The following NTM variants were observed in gnomAD, a reference collection of about 807,000 sequenced individuals.
NTM encodes the protein neurotrimin, also known as IgLON family member 2.
Under a neutral mutation model 42.1 loss-of-function variants are expected in NTM, and 13 were observed. The ratio of observed to expected loss-of-function variants is 0.31; its 90% CI spans 0.20 to 0.49. The LOEUF (loss-of-function observed/expected upper bound fraction) is 0.49, where lower values mean the gene tolerates loss of function less well. Among genes scored for constraint, NTM ranks in the 20% least tolerant of loss-of-function variants. The probability of loss-of-function intolerance (pLI) is 0.99; values close to 1 mark genes in which losing one functional copy is unlikely to be tolerated. For missense variants in NTM, 373 were observed against 452.8 expected (o/e 0.82, Z 1.60); for synonymous variants, 187 against 179.2 (o/e 1.04, Z -0.35).
At chr11:132,190,473 C>T (rs1213777919) in intron 3 of NTM, among the ~76,000 whole-genome samples, 2 of 152,098 alleles carry the variant, frequency 1.3e-5, no homozygotes, top group South Asian at 2.1e-4. Context: ...TGTGGTGGCT[C>T]ACACCTGTAA....
rs190999386 is a variant in NTM at position 132,165,365 on chromosome 11, C to A, written c.400+18851C>A. ...ATTCAGTCATCTGTTCCTATAGATGCCCGTCACTCACGATTCCCCATCTTT... is the reference window on the plus strand; with the variant it reads ...ATTCAGTCATCTGTTCCTATAGATGACCGTCACTCACGATTCCCCATCTTT... On this transcript the variant is annotated intron_variant, in intron 3 of 8. Transcript: ENST00000683400. 5.8e-4 allele frequency among the ~76,000 whole-genome samples: 89 copies of A among 152,270 alleles called. 1 individual carries two copies. The highest frequency in any genetic ancestry group is 6.2e-4 in the Non-Finnish European group (42 of 68,018).
rs2082072355 is a variant in NTM, at chr11:132,206,951, T to C, written c.401-5071T>C. Among the ~76,000 whole-genome samples the C allele has an allele frequency of 1.3e-5, 2 of 152,240 alleles. 1 individual carries two copies. The highest frequency in any genetic ancestry group is 4.1e-4 in the South Asian group (2 of 4,836). On this transcript the variant is annotated intron_variant, in intron 3 of 8. Transcript: ENST00000683400. ...TTGTTATTCAACTCTCTGGAATGTT[T>C]ACATGCCCTGTTTCCTCAAACAGAT...
chr11:132,243,580 T>C (rs1033090368), intron 4 of NTM, among the ~76,000 whole-genome samples: 6 of 152,164 alleles, frequency 3.9e-5, no homozygotes, highest in Admixed American at 6.5e-5. Flanking sequence ...AGGGTTTCCC[T>C]CATCCTTAGC....
At chr11:132,042,338 C>T (rs2077316328) in intron 2 of NTM, among the ~76,000 whole-genome samples, 1 of 152,134 alleles carries the variant, frequency 6.6e-6, no homozygotes, top group African/African-American at 2.4e-5. Context: ...ACTGGAAATG[C>T]CCAAGGGATG....
At position 131,639,854 on chromosome 11, in the gene NTM, G is replaced by A. The variant is rs188394526; in HGVS notation, c.82+268966G>A. 3.3e-3 allele frequency among the ~76,000 whole-genome samples: 499 copies of A among 152,212 alleles called. 3 individuals carry two copies. The highest frequency in any genetic ancestry group is 5.6e-3 in the African/African-American group (234 of 41,548). On this transcript the variant is annotated intron_variant, in intron 1 of 8. Coordinates refer to ENST00000683400, the MANE Select transcript of NTM (RefSeq NM_001352005.2). Reference sequence around the variant, plus strand: ...GCCTGTAGTCCCAGCTACTTGAGAGGCTGAGGCAGGAGAATCACTTGAACC... The same window carrying A: ...GCCTGTAGTCCCAGCTACTTGAGAGACTGAGGCAGGAGAATCACTTGAACC...
intron 2 of NTM, among the ~76,000 whole-genome samples, chr11:132,101,089 C>T (rs992566769): frequency 5.9e-5 from 9 of 152,158 alleles, no homozygotes; most frequent in African/African-American, 2.2e-4. Flanking sequence ...TATTGACTGA[C>T]AGCTTTTTAT....
At chr11:131,939,442 A>G (rs1411619029) in intron 2 of NTM, among the ~76,000 whole-genome samples, 1 of 152,104 alleles carries the variant, frequency 6.6e-6, no homozygotes, top group East Asian at 1.9e-4. Flanking sequence ...GATGGTAGTA[A>G]TTGGAGAGGT....
At chr11:131,894,782 T>A (rs1240566877) in intron 1 of NTM, among the ~76,000 whole-genome samples, 2 of 152,218 alleles carry the variant, frequency 1.3e-5, no homozygotes, top group Admixed American at 1.3e-4. Flanking sequence ...TTTTTCATCA[T>A]TAAAGGGAAA....
At chr11:131,771,343 G>C (rs1253388435) in intron 1 of NTM, 2 of 152,182 alleles carry the variant, frequency 1.3e-5, no homozygotes, top group Admixed American at 6.5e-5. Context: ...ACAGATGATA[G>C]GTTTGGAAAT....
intron 1 of NTM, among the ~76,000 whole-genome samples, chr11:131,422,208 A>T (rs955753255): frequency 9.8e-6 from 1 of 101,974 alleles, no homozygotes; most frequent in African/African-American, 3.1e-5. Context: ...ACATCTGAGA[A>T]CAGTCACATT....
intron 2 of NTM, among the ~76,000 whole-genome samples, chr11:132,092,344 C>T (rs949174538): frequency 1.3e-5 from 2 of 152,164 alleles, no homozygotes; most frequent in Admixed American, 1.3e-4. Context: ...CTCTGTCCTG[C>T]CACTCCACTG....
intron 2 of NTM, among the ~76,000 whole-genome samples, chr11:132,061,253 C>CTTA (rs2080624909): frequency 6.6e-6 from 1 of 152,182 alleles, no homozygotes; most frequent in African/African-American, 2.4e-5. Flanking sequence ...TAACATTTTG[C>CTTA]TTAGCATTGG....
At chr11:131,489,247 G>A (rs1375464628) in intron 1 of NTM, among the ~76,000 whole-genome samples, 2 of 152,132 alleles carry the variant, frequency 1.3e-5, no homozygotes, top group South Asian at 4.1e-4. Flanking sequence ...AATGGCCCAT[G>A]TTTGCAGCTG....
chr11:131,376,450 A>G (rs564974975), intron 1 of NTM, among the ~76,000 whole-genome samples: 1 of 152,312 alleles, frequency 6.6e-6, no homozygotes, highest in Admixed American at 6.5e-5. Context: ...GTCATATTAG[A>G]GAAATGGCCT....
chr11:131,500,578 T>TATA (rs1491209927), intron 1 of NTM, among the ~76,000 whole-genome samples: 23 of 1,550 alleles, frequency 0.015, no homozygotes, highest in Non-Finnish European at 0.027. Flanking sequence ...TATATATATA[T>TATA]TTTTTTTTTT....
At chr11:131,803,665 G>T (rs891339536) in intron 1 of NTM, among the ~76,000 whole-genome samples, 1 of 152,148 alleles carries the variant, frequency 6.6e-6, no homozygotes, top group Non-Finnish European at 1.5e-5. Context: ...CAACCTACTT[G>T]TTTCTGCAGC....
At chr11:132,033,424 A>C (rs183108491) in intron 2 of NTM, among the ~76,000 whole-genome samples, 1 of 152,206 alleles carries the variant, frequency 6.6e-6, no homozygotes, top group Non-Finnish European at 1.5e-5. Context: ...ATAAATTCCA[A>C]TGCAAAGTAG....
intron 1 of NTM, among the ~76,000 whole-genome samples, chr11:131,532,912 T>C (rs2051512776): frequency 6.6e-6 from 1 of 152,132 alleles, no homozygotes; most frequent in African/African-American, 2.4e-5. Context: ...CTTTTTTAAG[T>C]TGAGTTTTTC....
intron 1 of NTM, among the ~76,000 whole-genome samples, chr11:131,707,608 A>T (rs1162042556): frequency 6.6e-6 from 1 of 152,088 alleles, no homozygotes; most frequent in Non-Finnish European, 1.5e-5. Context: ...TAACATTCCC[A>T]CTGACAGTGT....
Sources: gnomAD v4.1 joint callset for allele counts (sites outside exome capture counted in the v4.1 genomes callset) on GRCh38, gnomAD v4.1.1 for gene constraint, MANE v1.5 for transcripts, NCBI Gene and HGNC (gene_info 2026-07-23, HGNC 2026-07-21) for gene names.